The following CSMD1 variants were observed in gnomAD, a reference collection of about 807,000 sequenced individuals.
CSMD1 encodes CUB and Sushi multiple domains 1, also known as CUB and sushi domain-containing protein 1.
CSMD1 carries 213 observed loss-of-function variants against 417.5 expected under a neutral mutation model. The observed-to-expected ratio is 0.51, with a 90% CI of 0.46 to 0.57. The LOEUF (loss-of-function observed/expected upper bound fraction) is 0.57. Among genes scored for constraint, CSMD1 ranks in the 20% least tolerant of loss-of-function variants. The pLI is 0.00. For synonymous variants in CSMD1, 2,862 were observed against 1,736.8 expected (o/e 1.65, Z -16.11); for missense variants, 6,923 against 4,529.7 (o/e 1.53, Z -15.17).
At chr8:3,425,117 G>A (rs565013778) in intron 12 of CSMD1, among the ~76,000 whole-genome samples, 2 of 152,152 alleles carry the variant, frequency 1.3e-5, no homozygotes, top group Non-Finnish European at 2.9e-5. Flanking sequence ...CACCATGCTT[G>A]TCCTATTTTA....
intron 1 of CSMD1, among the ~76,000 whole-genome samples, chr8:4,777,168 C>T (rs1796896550): frequency 6.6e-6 from 1 of 152,184 alleles, no homozygotes; most frequent in African/African-American, 2.4e-5. Context: ...CAGTCCATTT[C>T]AACTTCCTGT....
intron 1 of CSMD1, among the ~76,000 whole-genome samples, chr8:4,886,494 A>C (rs1053091711): frequency 6.6e-6 from 1 of 151,978 alleles, no homozygotes; most frequent in Non-Finnish European, 1.5e-5. Context: ...TATTGGCATC[A>C]AATTTCTACT....
At chr8:3,957,735 T>C (rs2740845) in intron 5 of CSMD1, among the ~76,000 whole-genome samples, 73,319 of 151,210 alleles carry the variant, frequency 0.48, 18,231 homozygotes, top group East Asian at 0.79. Context: ...GGAAAAGAAA[T>C]GTAGAAAAGA....
rs550408193 is a variant in CSMD1, at chr8:4,859,576, A to C, written c.85+134756T>G. On this transcript the variant is annotated intron_variant, in intron 1 of 69. Transcript: ENST00000635120. ...ACAAATTTACAAGAAAAAAACAAAC[A>C]ACCCCATCAAAAAGTGGGCGAAGGA... 6.4e-4 allele frequency among the ~76,000 whole-genome samples: 97 copies of C among 152,236 alleles called. 1 individual carries two copies. Among genetic ancestry groups the C allele is most frequent in the South Asian group, 2.5e-3 (12 of 4,826 alleles).
At chr8:3,189,095 C>T (rs776669140) in intron 34 of CSMD1, 84 bp from the exon 35 acceptor site, 3 of 1,313,588 alleles carry the variant, frequency 2.3e-6, no homozygotes, top group Non-Finnish European at 3.1e-6. Flanking sequence ...ACTGTGTGAC[C>T]ACACAGTAAG....
rs769528362 is a variant in CSMD1 at position 3,205,541 on chromosome 8, T to A, written c.4947A>T (p.Gln1649His). The A allele has an allele frequency of 5.6e-6, 9 of 1,600,222 alleles. No homozygotes were observed. The South Asian group carries it at 1.0e-4, about 18-fold the overall frequency. Residue 1649 changes from glutamine to histidine, a missense_variant, in exon 31 of 70, where the codon CAA becomes CAT. Gln to His is a conservative substitution (Grantham distance 24). Transcript: ENST00000635120. ...GTACCGTGATGGAATAGAGGCATAT[T>A]TGACCAGCTGTGTAATTATGGGGGT... ...PNYPHNYTAG[Q>H]ICLYSITVPK...
chr8:3,176,663 T>C (rs114229486), intron 37 of CSMD1, among the ~76,000 whole-genome samples: 8 of 152,204 alleles, frequency 5.3e-5, no homozygotes, highest in Non-Finnish European at 1.2e-4. Flanking sequence ...CCTCCCACTT[T>C]AACAACGTAA....
At position 3,742,707 on chromosome 8, in the gene CSMD1, T is replaced by C. The variant is rs748187174; in HGVS notation, c.931+11223A>G. ...ACTCCAGTTTAATCACCTGAGAAGCTTGCATAGGATCAGAGAGAGAGAGAG... is the reference window on the plus strand; with the variant it reads ...ACTCCAGTTTAATCACCTGAGAAGCCTGCATAGGATCAGAGAGAGAGAGAG... On this transcript the variant is annotated intron_variant, in intron 6 of 69. Coordinates refer to ENST00000635120, the MANE Select transcript of CSMD1 (RefSeq NM_033225.6). Among the ~76,000 whole-genome samples the C allele has an allele frequency of 6.6e-5, 10 of 151,464 alleles. No individual in the cohort carries two copies. The South Asian group carries it at 1.9e-3, about 28-fold the overall frequency.
rs375555541 is a variant in CSMD1, at chr8:3,933,512, C to G, written c.818+64391G>C. On this transcript the variant is annotated intron_variant, in intron 5 of 69. Coordinates refer to ENST00000635120, the MANE Select transcript of CSMD1 (RefSeq NM_033225.6). ...CCATGGTCTTCTTTAACAGAGAAGA[C>G]CACAGTCTGCAGGCCTTTGAGAAGA... Among the ~76,000 whole-genome samples the G allele has an allele frequency of 1.2e-4, 19 of 152,192 alleles. 1 individual carries two copies. The South Asian group carries it at 3.9e-3, about 32-fold the overall frequency.
chr8:4,879,419 G>T lies in CSMD1; in HGVS notation c.85+114913C>A, dbSNP rs139964529. 4.1e-4 allele frequency among the ~76,000 whole-genome samples: 63 copies of T among 152,154 alleles called. 1 individual carries two copies. The East Asian group carries it at 0.011, about 28-fold the overall frequency. ...ACTTAGTGCAATGAATTGATATGAA[G>T]AAGAATTAGGAGGAAGTTTAGGGGA... On this transcript the variant is annotated intron_variant, in intron 1 of 69. Coordinates refer to ENST00000635120, the MANE Select transcript of CSMD1 (RefSeq NM_033225.6).
At chr8:3,408,735 G>C (rs1563357352) in intron 13 of CSMD1, among the ~76,000 whole-genome samples, 3 of 151,916 alleles carry the variant, frequency 2.0e-5, no homozygotes, top group Non-Finnish European at 4.4e-5. Context: ...TCATGTTCTA[G>C]TTGGATAATA....
chr8:4,676,828 G>C (rs955482951), intron 1 of CSMD1, among the ~76,000 whole-genome samples: 4 of 151,292 alleles, frequency 2.6e-5, no homozygotes, highest in East Asian at 1.9e-4. Context: ...TGAATGTTTT[G>C]TTCTTCTGTC....
intron 1 of CSMD1, among the ~76,000 whole-genome samples, chr8:4,911,066 C>A (rs1333670837): frequency 6.6e-6 from 1 of 152,194 alleles, no homozygotes; most frequent in African/African-American, 2.4e-5. Flanking sequence ...TCCTTGCCTT[C>A]CACCACGATT....
intron 2 of CSMD1, among the ~76,000 whole-genome samples, chr8:4,567,624 G>T (rs764998920): frequency 1.3e-5 from 2 of 152,110 alleles, no homozygotes; most frequent in South Asian, 2.1e-4. Flanking sequence ...CAATTATTAT[G>T]AGATGATGCT....
chr8:4,044,610 C>G (rs1261516978), intron 3 of CSMD1, among the ~76,000 whole-genome samples: 2 of 152,190 alleles, frequency 1.3e-5, no homozygotes, highest in African/African-American at 4.8e-5. Flanking sequence ...TCATTTTCTT[C>G]TCTCGTGCAA....
At chr8:4,570,535 C>T (rs757926532) in intron 2 of CSMD1, among the ~76,000 whole-genome samples, 27 of 152,098 alleles carry the variant, frequency 1.8e-4, no homozygotes, top group Non-Finnish European at 3.5e-4. Context: ...ATTTGATTTG[C>T]CAGTATTTTA....
At chr8:4,781,072 G>T (rs17071320) in intron 1 of CSMD1, among the ~76,000 whole-genome samples, 1 of 152,012 alleles carries the variant, frequency 6.6e-6, no homozygotes, top group South Asian at 2.1e-4. Flanking sequence ...TCTGTGTCCC[G>T]CCGTCTTGTT....
chr8:3,522,446 CAA>C (rs1045079965), intron 10 of CSMD1, among the ~76,000 whole-genome samples: 1 of 152,104 alleles, frequency 6.6e-6, no homozygotes, highest in Non-Finnish European at 1.5e-5. Flanking sequence ...TTTCTCCAGG[CAA>C]AGAGACAGCT....
intron 3 of CSMD1, among the ~76,000 whole-genome samples, chr8:4,278,920 C>A (rs1035897185): frequency 6.6e-6 from 1 of 152,130 alleles, no homozygotes; most frequent in Non-Finnish European, 1.5e-5. Flanking sequence ...AGTAACAAGC[C>A]TCATTTAAAA....
Sources: allele counts gnomAD v4.1 joint callset (sites outside exome capture counted in the v4.1 genomes callset), GRCh38; gene constraint gnomAD v4.1.1; transcripts MANE v1.5; gene names NCBI Gene and HGNC (gene_info 2026-07-23, HGNC 2026-07-21).